BFAR: variants seen among roughly 807,000 people sequenced by gnomAD.
BFAR encodes the protein bifunctional apoptosis regulator, also known as RING finger protein 47.
Under a neutral mutation model 54.4 loss-of-function variants are expected in BFAR, and 52 were observed. The ratio of observed to expected loss-of-function variants is 0.96; its 90% CI spans 0.77 to 1.21. The LOEUF (loss-of-function observed/expected upper bound fraction) is 1.21, where lower values mean the gene tolerates loss of function less well. Ranked by LOEUF, BFAR falls within the 50% of genes most tolerant of loss-of-function variation. The pLI is 0.00. For synonymous variants in BFAR, 215 were observed against 204.3 expected (o/e 1.05, Z -0.45); for missense variants, 571 against 534.0 (o/e 1.07, Z -0.68).
intron 5 of BFAR, 138 bp from the exon 6 acceptor site, chr16:14,661,751 CTCT>C (rs2151844021): frequency 4.4e-6 from 4 of 919,156 alleles, no homozygotes; most frequent in Non-Finnish European, 6.7e-6. Context: ...ATCACTTGGC[CTCT>C]TCTTGCCGTT....
In BFAR at chr16:14,668,898, GT is replaced by G; in HGVS notation, c.*1075del. ...GGATAGTCGTTTTGTTCAAGGAAATGTTTTGTAAATTGAGCTCACACTATAT... is the reference window on the plus strand; with the variant it reads ...GGATAGTCGTTTTGTTCAAGGAAATGTTTGTAAATTGAGCTCACACTATAT... On this transcript the variant is annotated 3_prime_UTR_variant, in exon 8 of 8. Transcript: ENST00000261658. 1 of 175,708 alleles carries G rather than the reference GT, an allele frequency of 5.7e-6. No individual in the cohort carries two copies. The highest frequency in any genetic ancestry group is 1.2e-5 in the Non-Finnish European group (1 of 80,496). 10.9% of individuals were successfully genotyped at this position (175,708 alleles called of 1,614,324 possible).
intron 5 of BFAR, among the ~76,000 whole-genome samples, chr16:14,661,023 C>A (rs1960273426): frequency 6.6e-6 from 1 of 152,160 alleles, no homozygotes; most frequent in African/African-American, 2.4e-5. Flanking sequence ...AGCCACCACG[C>A]TTACCCTGAA....
intron 2 of BFAR, among the ~76,000 whole-genome samples, chr16:14,647,570 A>T (rs1354420776): frequency 6.6e-6 from 1 of 151,892 alleles, no homozygotes; most frequent in East Asian, 1.9e-4. Flanking sequence ...AATCCCAGCT[A>T]CTCAGGAGGC....
chr16:14,667,570 G>A (rs1291446202), intron 7 of BFAR, 65 bp from the exon 8 acceptor site: 4 of 1,455,986 alleles, frequency 2.7e-6, no homozygotes, highest in Non-Finnish European at 3.8e-6. Flanking sequence ...AAGGCCCAGG[G>A]CCCGGACTCC....
chr16:14,665,760 C>T (rs546131092), intron 7 of BFAR, among the ~76,000 whole-genome samples: 14 of 152,272 alleles, frequency 9.2e-5, no homozygotes, highest in South Asian at 2.1e-4. Context: ...TCCCCCAAAC[C>T]GGAGTTAGTG....
Position 14,664,859 on chromosome 16 carries a change from A to C in BFAR, c.958-10A>C. On this transcript the variant is annotated splice_polypyrimidine_tract_variant and intron_variant, in intron 6 of 7. Transcript: ENST00000261658. ...TCATGACTTTTTGCGTCTGTGTGTT[A>C]TTTTTTAAGGATCTTAAGGAGCCTA... 1 of 1,610,990 alleles carries C rather than the reference A, an allele frequency of 6.2e-7. No homozygotes were observed. The highest frequency in any genetic ancestry group is 8.5e-7 in the Non-Finnish European group (1 of 1,177,340).
chr16:14,644,761 C>G, intron 2 of BFAR, 152 bp downstream of exon 2: 1 of 1,005,296 alleles, frequency 9.9e-7, no homozygotes, highest in Non-Finnish European at 1.4e-6. Context: ...CCCACTTCAG[C>G]CTCCCAAAGT....
intron 4 of BFAR, 125 bp downstream of exon 4, chr16:14,650,098 G>C: frequency 1.1e-6 from 1 of 936,264 alleles, no homozygotes; most frequent in Non-Finnish European, 1.5e-6. Flanking sequence ...GAGGCGGATC[G>C]ATCATTTGAG....
chr16:14,649,796 T>C lies in BFAR; in HGVS notation c.469-8T>C, dbSNP rs776118829. ...CCATGGTTTAAAGTCCCTGTCACTT[T>C]TCCCCAGGTGGTCCTGCTCGTCTAT... On this transcript the variant is annotated splice_region_variant and splice_polypyrimidine_tract_variant and intron_variant, in intron 3 of 7. Coordinates refer to ENST00000261658, the MANE Select transcript of BFAR (RefSeq NM_016561.3). The C allele has an allele frequency of 6.3e-7, 1 of 1,586,800 alleles. No individual in the cohort carries two copies. The highest frequency in any genetic ancestry group is 1.1e-5 in the South Asian group (1 of 87,904).
At chr16:14,638,083 C>T (rs553252694) in intron 1 of BFAR, among the ~76,000 whole-genome samples, 2 of 152,274 alleles carry the variant, frequency 1.3e-5, no homozygotes, top group South Asian at 4.1e-4. Flanking sequence ...TTACACTGAA[C>T]CTTCTTGCTG....
intron 3 of BFAR, among the ~76,000 whole-genome samples, chr16:14,649,554 A>T (rs1959903995): frequency 1.3e-5 from 2 of 152,178 alleles, no homozygotes; most frequent in African/African-American, 2.4e-5. Flanking sequence ...GGTGCCTGAG[A>T]TAAGTCCTTT....
At chr16:14,661,856 G>T (rs764107102) in intron 5 of BFAR, 36 bp from the exon 6 acceptor site, 102 of 1,604,994 alleles carry the variant, frequency 6.4e-5, no homozygotes, top group Non-Finnish European at 8.0e-5. Context: ...TGGCCGCCAT[G>T]GTTGTAATGT....
intron 4 of BFAR, 143 bp from the exon 5 acceptor site, chr16:14,654,923 G>C: frequency 1.2e-6 from 1 of 823,832 alleles, no homozygotes; most frequent in Non-Finnish European, 1.8e-6. Flanking sequence ...TCAATTATTT[G>C]CTGCTCTTGA....
At chr16:14,654,019 T>C (rs1256512925) in intron 4 of BFAR, among the ~76,000 whole-genome samples, 1 of 148,840 alleles carries the variant, frequency 6.7e-6, no homozygotes, top group East Asian at 1.9e-4. Flanking sequence ...TTTTTTTTTT[T>C]TTTTTTTTTT....
chr16:14,648,635 C>A, intron 3 of BFAR, 43 bp downstream of exon 3: 2 of 1,250,396 alleles, frequency 1.6e-6, no homozygotes, highest in Non-Finnish European at 2.2e-6. Flanking sequence ...CCACACCTCA[C>A]CCCCCGACCC....
chr16:14,658,908 ATT>A (rs768624095), intron 5 of BFAR, among the ~76,000 whole-genome samples: 1 of 144,378 alleles, frequency 6.9e-6, no homozygotes. Context: ...AGTAATTATG[ATT>A]TTTTTTTTTT....
chr16:14,658,660 G>C (rs565020452), intron 5 of BFAR, among the ~76,000 whole-genome samples: 2 of 151,594 alleles, frequency 1.3e-5, no homozygotes, highest in African/African-American at 2.4e-5. Context: ...GTGAACCCGG[G>C]AGACGGAGCT....
rs769576141 is a variant in BFAR at position 14,649,877 on chromosome 16, A to G, written c.542A>G (p.Lys181Arg). The G allele has an allele frequency of 1.7e-5, 28 of 1,613,432 alleles. No homozygotes were observed. The highest frequency in any genetic ancestry group is 2.3e-5 in the Non-Finnish European group (27 of 1,179,740). ...HDLLVHKAVA[K>R]WTAEEVVLWL... ...CTCCTGGTCCACAAGGCTGTGGCCA[A>G]ATGGACGGCGGAAGAAGTTGTCCTC... Residue 181 changes from lysine to arginine, a missense_variant, in exon 4 of 8, where the codon AAA becomes AGA. Physicochemically the swap from Lys to Arg is conservative, Grantham distance 26. Coordinates refer to ENST00000261658, the MANE Select transcript of BFAR (RefSeq NM_016561.3).
intron 7 of BFAR, 74 bp from the exon 8 acceptor site, chr16:14,667,561 A>AG: frequency 7.2e-7 from 1 of 1,397,464 alleles, no homozygotes; most frequent in Non-Finnish European, 9.8e-7. Context: ...CACCCAGAAA[A>AG]GGCCCAGGGC....
Sources: allele counts gnomAD v4.1 joint callset (sites outside exome capture counted in the v4.1 genomes callset), GRCh38; gene constraint gnomAD v4.1.1; transcripts MANE v1.5; gene names NCBI Gene and HGNC (gene_info 2026-07-23, HGNC 2026-07-21).